The following CCDC93 variants were observed in gnomAD, a reference collection of about 807,000 sequenced individuals.
CCDC93 encodes CCC complex scaffolding subunit CCDC93.
Under a neutral mutation model 108.2 loss-of-function variants are expected in CCDC93, and 61 were observed. That is an observed-to-expected ratio of 0.56 (90% CI 0.46 to 0.70). CCDC93 has a LOEUF of 0.70. Ranked by LOEUF, CCDC93 falls within the 30% of genes least tolerant of loss-of-function variation. The pLI, the probability that CCDC93 is intolerant of heterozygous loss-of-function variation, is 0.00. For synonymous variants in CCDC93, 276 were observed against 260.4 expected (o/e 1.06, Z -0.58); for missense variants, 685 against 764.2 (o/e 0.90, Z 1.22).
At chr2:117,950,410 G>A in intron 13 of CCDC93, 1 of 985,430 alleles carries the variant, frequency 1.0e-6, no homozygotes, top group Non-Finnish European at 1.2e-6. Flanking sequence ...GACTGCTGAA[G>A]TTACAAAGCA....
rs7580124 is a variant in CCDC93 at position 117,946,902 on chromosome 2, T to G, written c.1225-20A>C. 1,586,437 of 1,588,200 alleles carry G rather than the reference T, an allele frequency of 1. 792,353 individuals carry two copies. The highest frequency in any genetic ancestry group is 1 in the South Asian group (90,388 of 90,392). On this transcript the variant is annotated intron_variant, in intron 15 of 23. Coordinates refer to ENST00000376300, the MANE Select transcript of CCDC93 (RefSeq NM_019044.5). Reference sequence around the variant, plus strand: ...CTCCTCCTTTAAAAGTGACATGAACTTTTACAAAATTCAGACAAGGAGTAA... The same window carrying G: ...CTCCTCCTTTAAAAGTGACATGAACGTTTACAAAATTCAGACAAGGAGTAA...
chr2:117,990,409 T>C (rs1398062037), intron 6 of CCDC93, among the ~76,000 whole-genome samples: 1 of 152,144 alleles, frequency 6.6e-6, no homozygotes, highest in African/African-American at 2.4e-5. Context: ...AATAATCTCC[T>C]GAAGGAAGAA....
chr2:117,941,074 G>A (rs944954676), intron 19 of CCDC93, 115 bp downstream of exon 19: 41 of 717,756 alleles, frequency 5.7e-5, no homozygotes, highest in Admixed American at 1.4e-4. Flanking sequence ...GGAGCTTTCC[G>A]GTGGTGGCCT....
chr2:118,009,174 C>A lies in CCDC93; in HGVS notation c.43-516G>T, dbSNP rs531416332. 9.2e-5 allele frequency among the ~76,000 whole-genome samples: 14 copies of A among 152,144 alleles called. No homozygotes were observed. In the East Asian group the frequency reaches 2.3e-3, roughly 25 times the overall value. ...TCACTTGAGGTCAGGAGTTCAAGAC[C>A]AGCCTGGCCAACATGGTGAAACGCT... On this transcript the variant is annotated intron_variant, in intron 1 of 23. Transcript: ENST00000376300.
intron 19 of CCDC93, 108 bp downstream of exon 19, chr2:117,941,081 G>A (rs1200101927): frequency 2.7e-6 from 2 of 753,908 alleles, no homozygotes; most frequent in East Asian, 5.1e-5. Context: ...TCCGGTGGTG[G>A]CCTTTGTGGA....
In CCDC93 at chr2:117,917,072, A is replaced by C. The variant is rs1223933766; in HGVS notation, c.*3271T>G. 6.6e-6 allele frequency: 1 copy of C among 152,390 alleles called. No individual in the cohort carries two copies. Among genetic ancestry groups the C allele is most frequent in the Non-Finnish European group, 1.5e-5 (1 of 68,044 alleles). The allele number at this position is 152,390 out of a possible 1,614,324, so 9.4% of individuals were successfully genotyped here. A position where few individuals can be genotyped will look rare whatever the true frequency, so the allele number is the denominator to read the frequency against. ...CCTCAATGCATGTTTCAACATCTGC[A>C]CTTCAGAACAAGTGGTCAGGCTCAA... On this transcript the variant is annotated 3_prime_UTR_variant, in exon 24 of 24. Coordinates refer to ENST00000376300, the MANE Select transcript of CCDC93 (RefSeq NM_019044.5).
At chr2:117,989,940 T>A (rs1680427491) in intron 6 of CCDC93, among the ~76,000 whole-genome samples, 1 of 152,240 alleles carries the variant, frequency 6.6e-6, no homozygotes, top group Admixed American at 6.5e-5. Context: ...GTCTCTTAGA[T>A]GATCCGGTAA....
intron 7 of CCDC93, among the ~76,000 whole-genome samples, chr2:117,982,819 C>G (rs1680191188): frequency 6.6e-6 from 1 of 151,682 alleles, no homozygotes; most frequent in East Asian, 1.9e-4. Context: ...GAAGATGGAG[C>G]AAAGTGAGTC....
Position 117,996,350 on chromosome 2 carries a change from G to A in CCDC93, c.376C>T (p.Arg126Ter), listed in dbSNP as rs777697897. The A allele has an allele frequency of 6.8e-6, 11 of 1,612,188 alleles. No homozygotes were observed. Among genetic ancestry groups the A allele is most frequent in the South Asian group, 1.1e-5 (1 of 91,022 alleles). Residue 126 changes from arginine to a stop codon, truncating the protein, a stop_gained, in exon 5 of 24, where the codon CGA (arginine) becomes TGA (stop). Coordinates refer to ENST00000376300, the MANE Select transcript of CCDC93 (RefSeq NM_019044.5). LOFTEE classifies it high-confidence loss of function. ...IFPVVQWLVK[R>*]AIETKEEMGD... Reference sequence around the variant, plus strand: ...ATCTCTTCTTTTGTTTCTATAGCTCGTTTCACCAGCCACTGGGGAAGAAAG... The same window carrying A: ...ATCTCTTCTTTTGTTTCTATAGCTCATTTCACCAGCCACTGGGGAAGAAAG...
intron 2 of CCDC93, among the ~76,000 whole-genome samples, chr2:118,008,098 A>G (rs1032515710): frequency 2.6e-5 from 4 of 152,152 alleles, no homozygotes; most frequent in African/African-American, 9.7e-5. Context: ...ATCATCATTC[A>G]AGGTTCTGCT....
chr2:117,953,372 A>G (rs1051180840), intron 12 of CCDC93, among the ~76,000 whole-genome samples: 5 of 152,172 alleles, frequency 3.3e-5, no homozygotes, highest in African/African-American at 1.2e-4. Context: ...GCTGAGAGCA[A>G]TGTGATAAAG....
chr2:117,933,152 T>C (rs1330528758), intron 22 of CCDC93, among the ~76,000 whole-genome samples: 2 of 152,260 alleles, frequency 1.3e-5, no homozygotes, highest in Non-Finnish European at 2.9e-5. Flanking sequence ...CTACGTCCTT[T>C]AGCTAAAATA....
At chr2:117,927,650 G>C (rs1678167247) in intron 23 of CCDC93, among the ~76,000 whole-genome samples, 1 of 152,126 alleles carries the variant, frequency 6.6e-6, no homozygotes, top group African/African-American at 2.4e-5. Flanking sequence ...CTTATGGGTA[G>C]GAAGAATCAA....
chr2:117,961,728 G>T (rs1238410139), intron 11 of CCDC93, among the ~76,000 whole-genome samples: 1 of 152,202 alleles, frequency 6.6e-6, no homozygotes, highest in Non-Finnish European at 1.5e-5. Flanking sequence ...GACCAAGGTG[G>T]ATTTTGAATG....
chr2:117,942,127 A>T (rs1379968592), intron 18 of CCDC93, among the ~76,000 whole-genome samples: 1 of 152,182 alleles, frequency 6.6e-6, no homozygotes, highest in Non-Finnish European at 1.5e-5. Flanking sequence ...CTCCAGGGAG[A>T]GGGAAGGATG....
chr2:117,951,415 G>C, intron 13 of CCDC93: 1 of 985,466 alleles, frequency 1.0e-6, no homozygotes, highest in Non-Finnish European at 1.2e-6. Flanking sequence ...GAAGAGGTTA[G>C]TCCAGACCAG....
chr2:117,930,996 T>C (rs1573464529), intron 23 of CCDC93, 41 bp downstream of exon 23: 1 of 1,321,744 alleles, frequency 7.6e-7, no homozygotes, highest in African/African-American at 1.5e-5. Context: ...TGAACATATA[T>C]CTCACGTTAG....
At chr2:117,976,934 CTTT>C (rs34472456) in intron 8 of CCDC93, among the ~76,000 whole-genome samples, 5 of 118,246 alleles carry the variant, frequency 4.2e-5, no homozygotes, top group Admixed American at 2.6e-4. Flanking sequence ...AATAACCAAT[CTTT>C]TTTTTTTTTT....
chr2:117,940,332 T>C (rs1043932154), intron 19 of CCDC93, among the ~76,000 whole-genome samples: 1 of 152,022 alleles, frequency 6.6e-6, no homozygotes, highest in African/African-American at 2.4e-5. Flanking sequence ...AATTGGGTAT[T>C]GAAGAATTTA....
Sources: gnomAD v4.1 joint callset for allele counts (sites outside exome capture counted in the v4.1 genomes callset) on GRCh38, gnomAD v4.1.1 for gene constraint, MANE v1.5 for transcripts, NCBI Gene and HGNC (gene_info 2026-07-23, HGNC 2026-07-21) for gene names.